CDC42BPG: variants seen among roughly 807,000 people sequenced by gnomAD.
CDC42BPG encodes CDC42 binding protein kinase gamma.
In CDC42BPG, 157 loss-of-function variants were observed where a neutral mutation model predicts 192.2. The ratio of observed to expected loss-of-function variants is 0.82; its 90% CI spans 0.72 to 0.93. The LOEUF is 0.93. Ranked by LOEUF, CDC42BPG falls within the 40% of genes least tolerant of loss-of-function variation. The pLI is 0.00. For synonymous variants in CDC42BPG, 981 were observed against 918.5 expected (o/e 1.07, Z -1.23); for missense variants, 1,992 against 2,122.1 (o/e 0.94, Z 1.20).
At chr11:64,833,485 C>T (rs1942805616) in intron 23 of CDC42BPG, 115 bp downstream of exon 23, 1 of 1,104,606 alleles carries the variant, frequency 9.1e-7, no homozygotes, top group Admixed American at 2.4e-5. Flanking sequence ...TCGCCACCAC[C>T]TCCACCCCAA....
chr11:64,835,914 T>A lies in CDC42BPG; in HGVS notation c.1669-63A>T, dbSNP rs1419018727. On this transcript the variant is annotated intron_variant, in intron 13 of 36. Coordinates refer to ENST00000342711, the MANE Select transcript of CDC42BPG (RefSeq NM_017525.3). ...CCCTCGGCAGCCCCTCTGCCCACCTTACCATGGACTCCAGACCTGCCAGCC... is the reference window on the plus strand; with the variant it reads ...CCCTCGGCAGCCCCTCTGCCCACCTAACCATGGACTCCAGACCTGCCAGCC... 24 of 1,468,418 alleles carry A rather than the reference T, an allele frequency of 1.6e-5. No homozygotes were observed. In the South Asian group the frequency reaches 2.8e-4, roughly 17 times the overall value. 91.0% of individuals were successfully genotyped at this position (1,468,418 alleles called of 1,614,324 possible).
intron 8 of CDC42BPG, among the ~76,000 whole-genome samples, 195 bp downstream of exon 8, chr11:64,838,459 C>A (rs180741075): frequency 2.0e-5 from 3 of 152,196 alleles, no homozygotes; most frequent in Non-Finnish European, 2.9e-5. Flanking sequence ...GATGCTCCCC[C>A]ACCCCAGTTT....
intron 34 of CDC42BPG, 35 bp from the exon 35 acceptor site, chr11:64,826,829 C>CAGGCACAAGGAGGACAAG (rs1382740079): frequency 6.8e-7 from 1 of 1,472,938 alleles, no homozygotes; most frequent in Admixed American, 2.6e-5. Context: ...CTGGGACTAG[C>CAGGCACAAGGAGGACAAG]AGGCACAAGG....
In CDC42BPG at chr11:64,831,611, C is replaced by G. The variant is rs773634275; in HGVS notation, c.3198G>C (p.Arg1066=). 2 of 1,611,848 alleles carry G rather than the reference C, an allele frequency of 1.2e-6. No individual in the cohort carries two copies. The highest frequency in any genetic ancestry group is 1.7e-6 in the Non-Finnish European group (2 of 1,179,852). ...RWLQVLGELQ[R]LLLDARPRPR... ...GTCTTGGCCGCGCGTCCAGCAGCAG[C>G]CGCTGCAGCTCACCCAGCACCTGCA... is the stretch of plus-strand genomic sequence containing the variant. The change falls in exon 28 of 37, where the codon CGG becomes CGC. Residue 1066 remains arginine, a synonymous_variant. Transcript: ENST00000342711.
chr11:64,833,051 A>T, intron 24 of CDC42BPG, 92 bp from the exon 25 acceptor site: 3 of 1,434,618 alleles, frequency 2.1e-6, no homozygotes, highest in Non-Finnish European at 2.8e-6. Context: ...AGCTTCCCTG[A>T]AGCCACGGTG....
Position 64,838,296 on chromosome 11 carries a change from C to T in CDC42BPG, c.1126-134G>A, listed in dbSNP as rs538968270. 4.6e-6 allele frequency: 3 copies of T among 658,268 alleles called. No individual in the cohort carries two copies. In the East Asian group the frequency reaches 8.2e-5, roughly 18 times the overall value. 40.8% of individuals were successfully genotyped at this position (658,268 alleles called of 1,614,324 possible). On this transcript the variant is annotated intron_variant, in intron 8 of 36. Transcript: ENST00000342711. ...CTCAGGGGGGTAACACAGCCCAACC[C>T]AAACAAACCCCCAGCTCCCACAAGT...
At chr11:64,826,857 G>A in intron 34 of CDC42BPG, 63 bp from the exon 35 acceptor site, 1 of 1,449,894 alleles carries the variant, frequency 6.9e-7, no homozygotes, top group Non-Finnish European at 9.1e-7. Flanking sequence ...GAGGCCCAAG[G>A]CACAACAGAC....
chr11:64,836,705 CT>C (rs750382644), intron 11 of CDC42BPG, 33 bp downstream of exon 11: 9,277 of 345,856 alleles, frequency 0.027, 892 homozygotes, highest in African/African-American at 0.2. Context: ...GGACTCAGCC[CT>C]GGGGGGGGGG....
Position 64,841,909 on chromosome 11 carries a change from G to A in CDC42BPG, c.161-5C>T. The A allele has an allele frequency of 7.5e-6, 12 of 1,592,220 alleles. No homozygotes were observed. Among genetic ancestry groups the A allele is most frequent in the Non-Finnish European group, 1.0e-5 (12 of 1,168,806 alleles). On this transcript the variant is annotated splice_region_variant and splice_polypyrimidine_tract_variant and intron_variant, in intron 1 of 36. Coordinates refer to ENST00000342711, the MANE Select transcript of CDC42BPG (RefSeq NM_017525.3). Reference sequence around the variant, plus strand: ...CCTTTGATACGAAGGGGCTGGCTGAGGGGACACAGGGCGGGACTCAGAGTG... The same window carrying A: ...CCTTTGATACGAAGGGGCTGGCTGAAGGGACACAGGGCGGGACTCAGAGTG...
chr11:64,839,452 C>T (rs1280612102), intron 6 of CDC42BPG, 26 bp downstream of exon 6: 1 of 1,358,480 alleles, frequency 7.4e-7, no homozygotes, highest in Non-Finnish European at 1.0e-6. Context: ...GTATCCCCTG[C>T]TCCCACTCTG....
At chr11:64,837,984 T>A in intron 9 of CDC42BPG, 99 bp downstream of exon 9, 1 of 1,028,102 alleles carries the variant, frequency 9.7e-7, no homozygotes, top group Admixed American at 2.0e-5. Context: ...GGGGAGCCCT[T>A]CTGCCCTCCT....
intron 36 of CDC42BPG, among the ~76,000 whole-genome samples, chr11:64,824,781 G>A (rs1942356483): frequency 6.6e-6 from 1 of 151,924 alleles, no homozygotes; most frequent in African/African-American, 2.4e-5. Context: ...GTCTTGCTCT[G>A]TCGCCTAGCC....
chr11:64,837,015 T>C lies in CDC42BPG; in HGVS notation c.1210A>G (p.Ser404Gly). The C allele has an allele frequency of 1.2e-6, 2 of 1,612,916 alleles. No homozygotes were observed. The highest frequency in any genetic ancestry group is 1.7e-6 in the Non-Finnish European group (2 of 1,179,370). ...CAAGCCTCAGAGCTGCTCTCAGGAC[T>C]GTGACTGTAGGGGGACAGGGGCCAT... ...VGFTYTSGSHSPESSSEAWAA... is the reference protein window; with the variant it reads ...VGFTYTSGSHGPESSSEAWAA... Residue 404 changes from serine to glycine, a missense_variant, in exon 10 of 37, where the codon AGT becomes GGT. Ser to Gly is a moderately conservative substitution (Grantham distance 56). This residue lies in a region of CDC42BPG where 1,656 missense variants were observed against 1,844.3 expected (regional missense o/e 0.90). Coordinates refer to ENST00000342711, the MANE Select transcript of CDC42BPG (RefSeq NM_017525.3).
Position 64,835,538 on chromosome 11 carries a change from G to A in CDC42BPG, c.1842C>T (p.Ala614=), listed in dbSNP as rs752199888. 4.4e-5 allele frequency: 70 copies of A among 1,593,328 alleles called. No homozygotes were observed. The Admixed American group carries it at 6.1e-4, about 14-fold the overall frequency. The part of the protein sequence containing the change: ...PQEAQLRKEV[A]ALREQLEQAH... Reference sequence around the variant, plus strand: ...CCTGCTCCAGCTGCTCTCGCAGGGCGGCCACCTCCTTCCTCAGTTGGGCCT... The same window carrying A: ...CCTGCTCCAGCTGCTCTCGCAGGGCAGCCACCTCCTTCCTCAGTTGGGCCT... The change falls in exon 15 of 37, where the codon GCC becomes GCT. Residue 614 remains alanine (A), a synonymous_variant. Transcript: ENST00000342711.
In CDC42BPG at chr11:64,827,591, C is replaced by G. The variant is rs1013595666; in HGVS notation, c.4086G>C (p.Glu1362Asp). 1 of 1,611,824 alleles carries G rather than the reference C, an allele frequency of 6.2e-7. No homozygotes were observed. Among genetic ancestry groups the G allele is most frequent in the Non-Finnish European group, 8.5e-7 (1 of 1,178,722 alleles). The change falls in exon 32 of 37, where the codon GAG becomes GAC. Residue 1362 changes from glutamate to aspartate, a missense_variant. By Grantham distance (45) the Glu-to-Asp change is conservative. This residue lies in a region of CDC42BPG where 336 missense variants were observed against 277.9 expected (regional missense o/e 1.21). Coordinates refer to ENST00000342711, the MANE Select transcript of CDC42BPG (RefSeq NM_017525.3). ...PLKKVRPLNP[E>D]GSLFLYGTEK... ...CGGTGCCGTAGAGGAACAGGGAGCC[C>G]TCTGGATTGAGGGGCCGCACCTGAG...
rs751090265 is a variant in CDC42BPG, at chr11:64,838,729, G to T, written c.1050C>A (p.Ala350=). The part of the protein sequence containing the change: ...VDWERLASST[A]PYIPELRGPM... The stretch of plus-strand genomic sequence containing the variant: ...GCCCCCGCAGCTCAGGAATATAGGG[G>T]GCCGTGCTGCTCGCCAGCCGCTCCC... The change falls in exon 8 of 37, where the codon GCC becomes GCA. Residue 350 remains alanine, a synonymous_variant. Transcript: ENST00000342711. 1 of 1,613,078 alleles carries T rather than the reference G, an allele frequency of 6.2e-7. No homozygotes were observed. The highest frequency in any genetic ancestry group is 8.5e-7 in the Non-Finnish European group (1 of 1,180,036).
At chr11:64,833,046 C>T in intron 24 of CDC42BPG, 87 bp from the exon 25 acceptor site, 1 of 1,451,376 alleles carries the variant, frequency 6.9e-7, no homozygotes, top group Middle Eastern at 2.4e-4. Flanking sequence ...GAGCCAGCTT[C>T]CCTGAAGCCA....
Position 64,836,002 on chromosome 11 carries a change from T to C in CDC42BPG, c.1668+115A>G, listed in dbSNP as rs1942967385. On this transcript the variant is annotated intron_variant, in intron 13 of 36. Coordinates refer to ENST00000342711, the MANE Select transcript of CDC42BPG (RefSeq NM_017525.3). ...CCGTCCCAGCCACCATCCCCTGGCC[T>C]AGCCTCTGCCAGCTACAACCGGGAG... 4.4e-6 allele frequency: 6 copies of C among 1,360,938 alleles called. No homozygotes were observed. In the African/African-American group the frequency reaches 8.6e-5, roughly 20 times the overall value. The allele number at this position is 1,360,938 out of a possible 1,614,324, so 84.3% of individuals were successfully genotyped here. A position where few individuals can be genotyped will look rare whatever the true frequency, so the allele number is the denominator to read the frequency against.
chr11:64,826,794 C>T lies in CDC42BPG; in HGVS notation c.4390G>A (p.Ala1464Thr), dbSNP rs1214234302. The T allele has an allele frequency of 4.0e-6, 6 of 1,496,926 alleles. No individual in the cohort carries two copies. The African/African-American group carries it at 7.0e-5, about 17-fold the overall frequency. 92.7% of individuals were successfully genotyped at this position (1,496,926 alleles called of 1,614,324 possible). Residue 1464 changes from alanine to threonine, a missense_variant and splice_region_variant, in exon 35 of 37, where the codon GCT becomes ACT. This residue lies in a region of CDC42BPG where 336 missense variants were observed against 277.9 expected (regional missense o/e 1.21). Coordinates refer to ENST00000342711, the MANE Select transcript of CDC42BPG (RefSeq NM_017525.3). ...GCAACTCGGCCCTTCTCTTCGGGAG[C>T]CTGTTGGGTGACAGTGCGGAGGGGC... ...GRPGARDKSP[A>T]PEEKGRVARG... is the part of the protein sequence containing the mutation.
Sources: allele counts gnomAD v4.1 joint callset (sites outside exome capture counted in the v4.1 genomes callset), GRCh38; gene constraint gnomAD v4.1.1; regional missense constraint gnomAD v4.1.1; transcripts MANE v1.5; gene names NCBI Gene and HGNC (gene_info 2026-07-23, HGNC 2026-07-21).